COL4A4: variants seen among roughly 807,000 people sequenced by gnomAD.
The protein encoded by COL4A4 is collagen alpha-4(IV) chain.
COL4A4 carries 105 observed loss-of-function variants against 192.9 expected under a neutral mutation model. The observed-to-expected ratio is 0.54, with a 90% CI of 0.46 to 0.64. The LOEUF is 0.64. Ranked by LOEUF, COL4A4 falls within the 30% of genes least tolerant of loss-of-function variation. COL4A4 has a pLI of 0.00. For synonymous variants in COL4A4, 762 were observed against 769.9 expected (o/e 0.99, Z 0.17); for missense variants, 1,967 against 2,169.3 (o/e 0.91, Z 1.85).
chr2:227,146,653 C>T (rs115432187), intron 2 of COL4A4, among the ~76,000 whole-genome samples: 2,965 of 152,260 alleles, frequency 0.019, 89 homozygotes, highest in African/African-American at 0.066. Flanking sequence ...AAGGTGTTGG[C>T]AGAGCTGTAT....
intron 28 of COL4A4, 43 bp downstream of exon 28, chr2:227,059,362 T>G: frequency 6.5e-7 from 1 of 1,537,874 alleles, no homozygotes; most frequent in South Asian, 1.1e-5. Context: ...GTTCCAAAAC[T>G]GAGCCAGCTC....
intron 43 of COL4A4, among the ~76,000 whole-genome samples, chr2:227,024,028 C>CAA (rs111307267): frequency 6.7e-6 from 1 of 148,938 alleles, no homozygotes; most frequent in Middle Eastern, 3.6e-3. Flanking sequence ...AAAAAACAAA[C>CAA]AAAAAAAACC....
At chr2:226,982,085 T>A in the COL4A4 span, among the ~76,000 whole-genome samples, 1 of 152,234 alleles carries the variant, frequency 6.6e-6, no homozygotes, top group African/African-American at 2.4e-5. Context: ...CCCCCCGCCC[T>A]CTTTTCTTTT....
chr2:227,098,324 G>A (rs13426693), intron 19 of COL4A4, among the ~76,000 whole-genome samples: 19,932 of 152,056 alleles, frequency 0.13, 2,179 homozygotes, highest in African/African-American at 0.3. Context: ...ATCTGCATGC[G>A]ATAACTTTGT....
chr2:227,109,114 T>C (rs1373053424), intron 10 of COL4A4, 110 bp downstream of exon 10: 1 of 1,051,962 alleles, frequency 9.5e-7, no homozygotes, highest in Admixed American at 1.7e-5. Flanking sequence ...TCATCGATTA[T>C]AATCTCTCAA....
intron 12 of COL4A4, 70 bp downstream of exon 12, chr2:227,108,511 G>C (rs1576568628): frequency 4.1e-6 from 6 of 1,461,936 alleles, no homozygotes; most frequent in East Asian, 4.5e-5. Context: ...CAAATAATCA[G>C]AACAGCCTCC....
At chr2:227,121,258 A>C (rs1241123026) in intron 4 of COL4A4, 110 bp from the exon 5 acceptor site, 1 of 1,235,836 alleles carries the variant, frequency 8.1e-7, no homozygotes, top group Non-Finnish European at 1.1e-6. Flanking sequence ...AGATTTGCAC[A>C]ACTCTAATAA....
rs1559488928 is a variant in COL4A4, at chr2:227,045,907, A to ATGTATATATT, written c.3289+1567_3289+1568insAATATATACA. Among the ~76,000 whole-genome samples the ATGTATATATT allele has an allele frequency of 2.2e-5, 2 of 89,064 alleles. 1 individual carries two copies. The highest frequency in any genetic ancestry group is 4.4e-5 in the Non-Finnish European group (2 of 45,950). The allele number at this position is 89,064 out of a possible 152,430, so 58.4% of individuals were successfully genotyped here. ...ATGTATATATATTTAGATAGTATAT[A>ATGTATATATT]TATGTATGTATATGTATATGTATAT... On this transcript the variant is annotated intron_variant, in intron 35 of 47. Transcript: ENST00000396625.
rs530842874 is a variant in COL4A4 at position 227,120,950 on chromosome 2, C to A, written c.327+64G>T. 439 of 1,608,320 alleles carry A rather than the reference C, an allele frequency of 2.7e-4. No homozygotes were observed. The African/African-American group carries it at 5.1e-3, about 19-fold the overall frequency. ...TAAGACTGTCTAAAAAAAACAAAAA[C>A]AAAAAATGGTGCAGTAGTGCTGGTG... On this transcript the variant is annotated intron_variant, in intron 5 of 47. Transcript: ENST00000396625.
intron 25 of COL4A4, among the ~76,000 whole-genome samples, chr2:227,065,804 A>G (rs1176857574): frequency 1.3e-5 from 2 of 152,262 alleles, no homozygotes; most frequent in African/African-American, 4.8e-5. Flanking sequence ...TGGAAACTCT[A>G]AAAACCAGAG....
chr2:227,112,383 C>T (rs1420360371), intron 8 of COL4A4, among the ~76,000 whole-genome samples: 3 of 152,026 alleles, frequency 2.0e-5, no homozygotes, highest in African/African-American at 4.8e-5. Flanking sequence ...ATTCTCCTGC[C>T]TCAGCCTCCC....
chr2:227,141,245 C>T (rs976651792), intron 3 of COL4A4, among the ~76,000 whole-genome samples: 4 of 152,188 alleles, frequency 2.6e-5, no homozygotes, highest in African/African-American at 9.6e-5. Flanking sequence ...TCTGGCCTAG[C>T]TGTCATTGCA....
rs1972796865 is a variant in COL4A4, at chr2:227,046,090, T to TATACATATATATATTTA, written c.3289+1384_3289+1385insTAAATATATATATGTAT. Reference sequence around the variant, plus strand: ...ATACATATATATATTTAGATATATATGTACATATATATATATCTAAATATA... The same window carrying TATACATATATATATTTA: ...ATACATATATATATTTAGATATATATATACATATATATATTTAGTACATATATATATATCTAAATATA... On this transcript the variant is annotated intron_variant, in intron 35 of 47. Transcript: ENST00000396625. Among the ~76,000 whole-genome samples, 5 of 66,318 alleles carry TATACATATATATATTTA rather than the reference T, an allele frequency of 7.5e-5. 1 individual carries two copies. In the South Asian group the frequency reaches 2.4e-3, roughly 32 times the overall value. The allele number at this position is 66,318 out of a possible 152,430, so 43.5% of individuals were successfully genotyped here.
Position 227,152,679 on chromosome 2 carries a change from A to G in COL4A4, c.-101-5095T>C, listed in dbSNP as rs538061465. 2.0e-5 allele frequency among the ~76,000 whole-genome samples: 3 copies of G among 152,340 alleles called. No homozygotes were observed. In the South Asian group the frequency reaches 6.2e-4, roughly 32 times the overall value. On this transcript the variant is annotated intron_variant, in intron 1 of 47. Coordinates refer to ENST00000396625, the MANE Select transcript of COL4A4 (RefSeq NM_000092.5). ...CAAAGTGCAGCCACATGTTGTCTGC[A>G]ACAATCTAAGAGGGTTTTCTTTGTT... is the stretch of plus-strand genomic sequence containing the variant.
intron 41 of COL4A4, among the ~76,000 whole-genome samples, chr2:227,029,140 T>A (rs969373402): frequency 3.3e-5 from 5 of 152,222 alleles, no homozygotes; most frequent in Admixed American, 3.3e-4. Flanking sequence ...TCAAGAAGCA[T>A]GATTAGCGGT....
rs551052906 is a variant in COL4A4 at position 227,134,462 on chromosome 2, A to G, written c.192+5699T>C. Among the ~76,000 whole-genome samples, 5 of 152,330 alleles carry G rather than the reference A, an allele frequency of 3.3e-5. No individual in the cohort carries two copies. The South Asian group carries it at 1.0e-3, about 32-fold the overall frequency. On this transcript the variant is annotated intron_variant, in intron 4 of 47. Transcript: ENST00000396625. Reference sequence around the variant, plus strand: ...CATCAAAATGGAACACAATTGACTTAAGTGAACTTTGGGGACATAAAAATT... The same window carrying G: ...CATCAAAATGGAACACAATTGACTTGAGTGAACTTTGGGGACATAAAAATT...
the COL4A4 span, among the ~76,000 whole-genome samples, chr2:226,971,343 TG>T: frequency 4.6e-4 from 70 of 152,350 alleles, no homozygotes; most frequent in African/African-American, 1.7e-3. Flanking sequence ...CAAAGTCTGG[TG>T]TCGAAGGACG....
chr2:226,983,241 C>T, the COL4A4 span, among the ~76,000 whole-genome samples: 3 of 152,078 alleles, frequency 2.0e-5, no homozygotes, highest in Non-Finnish European at 4.4e-5. Flanking sequence ...CATTAGAACC[C>T]TAGAATCTGC....
intron 19 of COL4A4, among the ~76,000 whole-genome samples, chr2:227,094,955 T>C (rs1214411810): frequency 6.6e-6 from 1 of 152,186 alleles, no homozygotes; most frequent in Non-Finnish European, 1.5e-5. Context: ...TTACTAGCCG[T>C]AAAGCAGGAG....
Sources: allele counts gnomAD v4.1 joint callset (sites outside exome capture counted in the v4.1 genomes callset), GRCh38; gene constraint gnomAD v4.1.1; transcripts MANE v1.5; gene names NCBI Gene and HGNC (gene_info 2026-07-23, HGNC 2026-07-21).